The following RNU6-1 variants were observed in gnomAD, a reference collection of about 807,000 sequenced individuals.
The protein encoded by RNU6-1 is RNA, U6 small nuclear 1.
chr15:67,840,042 G>A (rs540764621), exon 1 of RNU6-1: 38 of 152,692 alleles, frequency 2.5e-4, no homozygotes, highest in Admixed American at 1.4e-3. Context: ...GCCGAAGCGA[G>A]CACGGTGTTT....
Sources: allele counts gnomAD v4.1 joint callset, GRCh38; gene constraint gnomAD v4.1.1; transcripts MANE v1.5; gene names NCBI Gene and HGNC (gene_info 2026-07-23, HGNC 2026-07-21).